KIAA1328: variants seen among roughly 807,000 people sequenced by gnomAD.
KIAA1328 encodes the protein protein hinderin.
In KIAA1328, 52 loss-of-function variants were observed where a neutral mutation model predicts 68.1. The ratio of observed to expected loss-of-function variants is 0.76; its 90% CI spans 0.61 to 0.96. The LOEUF (loss-of-function observed/expected upper bound fraction) is 0.96. Ranked by LOEUF, KIAA1328 falls within the 40% of genes least tolerant of loss-of-function variation. The probability of loss-of-function intolerance (pLI) is 0.00; values close to 1 mark genes in which losing one functional copy is unlikely to be tolerated. For synonymous variants in KIAA1328, 232 were observed against 239.4 expected (o/e 0.97, Z 0.28); for missense variants, 641 against 677.6 (o/e 0.95, Z 0.60).
chr18:37,113,105 A>T (rs2057986085), intron 7 of KIAA1328, among the ~76,000 whole-genome samples: 2 of 152,216 alleles, frequency 1.3e-5, no homozygotes, highest in Admixed American at 1.3e-4. Flanking sequence ...AACCAGGAGA[A>T]CTTCCCCAAC....
At chr18:36,950,971 G>A (rs2051136163) in intron 5 of KIAA1328, among the ~76,000 whole-genome samples, 1 of 152,232 alleles carries the variant, frequency 6.6e-6, no homozygotes, top group African/African-American at 2.4e-5. Context: ...TGTTTTGCAA[G>A]GGTCACCAAT....
At chr18:37,189,061 A>C (rs1283094901) in intron 9 of KIAA1328, among the ~76,000 whole-genome samples, 1 of 152,184 alleles carries the variant, frequency 6.6e-6, no homozygotes, top group Non-Finnish European at 1.5e-5. Context: ...AGGAAAAAAA[A>C]CGAATTCTTT....
intron 6 of KIAA1328, among the ~76,000 whole-genome samples, chr18:36,987,555 A>C (rs2052991012): frequency 6.6e-6 from 1 of 151,882 alleles, no homozygotes; most frequent in African/African-American, 2.4e-5. Flanking sequence ...TATACTGTAT[A>C]ATTCTATTAA....
Position 37,223,793 on chromosome 18 carries a change from G to A in KIAA1328, c.*1566G>A, listed in dbSNP as rs930796455. On this transcript the variant is annotated 3_prime_UTR_variant, in exon 10 of 10. Transcript: ENST00000280020. ...CATGTCTCTTCAGGCTGAGACTGGC[G>A]CTGTCACCTCCACCCAGCCTTCTTT... is the stretch of plus-strand genomic sequence containing the variant. 16 of 985,292 alleles carry A rather than the reference G, an allele frequency of 1.6e-5. No homozygotes were observed. Among genetic ancestry groups the A allele is most frequent in the Non-Finnish European group, 1.8e-5 (15 of 829,882 alleles). 61.0% of individuals were successfully genotyped at this position (985,292 alleles called of 1,614,324 possible). A position where few individuals can be genotyped will look rare whatever the true frequency, so the allele number is the denominator to read the frequency against.
chr18:36,973,824 CACACAT>C (rs952216381), intron 6 of KIAA1328, among the ~76,000 whole-genome samples: 2 of 115,250 alleles, frequency 1.7e-5, no homozygotes, highest in Non-Finnish European at 1.8e-5. Context: ...CACACACACA[CACACAT>C]ACACACACAC....
chr18:37,160,771 G>A (rs1219381339), intron 8 of KIAA1328, among the ~76,000 whole-genome samples: 1 of 152,152 alleles, frequency 6.6e-6, no homozygotes, highest in Non-Finnish European at 1.5e-5. Context: ...ACATGGGGAG[G>A]GTGGAGGAGA....
intron 6 of KIAA1328, among the ~76,000 whole-genome samples, chr18:36,994,225 T>G (rs1446813025): frequency 6.6e-6 from 1 of 152,206 alleles, no homozygotes; most frequent in Admixed American, 6.5e-5. Flanking sequence ...TCTCATATTG[T>G]TACTCCTCTG....
At chr18:36,852,115 A>C (rs892719087) in intron 4 of KIAA1328, among the ~76,000 whole-genome samples, 2 of 152,088 alleles carry the variant, frequency 1.3e-5, no homozygotes, top group Non-Finnish European at 2.9e-5. Flanking sequence ...CTTGATTTAG[A>C]ATTTTATTCT....
chr18:36,866,752 G>A (rs1016777565), intron 4 of KIAA1328, among the ~76,000 whole-genome samples: 1 of 152,074 alleles, frequency 6.6e-6, no homozygotes, highest in Non-Finnish European at 1.5e-5. Context: ...AAGTTGTTTT[G>A]ATTTACATCT....
intron 5 of KIAA1328, among the ~76,000 whole-genome samples, chr18:36,945,923 A>C (rs905374288): frequency 6.6e-6 from 1 of 152,194 alleles, no homozygotes; most frequent in Non-Finnish European, 1.5e-5. Context: ...TGAGGCCAGA[A>C]GTGTTTCAGA....
chr18:36,979,048 A>G (rs2052581100), intron 6 of KIAA1328, among the ~76,000 whole-genome samples: 2 of 152,106 alleles, frequency 1.3e-5, no homozygotes, highest in Non-Finnish European at 2.9e-5. Flanking sequence ...ATTCCCAGCT[A>G]CTCGGGAGGC....
chr18:36,973,511 C>G (rs955456861), intron 6 of KIAA1328, among the ~76,000 whole-genome samples: 2 of 151,898 alleles, frequency 1.3e-5, no homozygotes, highest in African/African-American at 4.8e-5. Flanking sequence ...TGTTTTATGG[C>G]CATTTATTTA....
rs1156341039 is a variant in KIAA1328, at chr18:37,078,664, G to A, written c.1232+11119G>A. Among the ~76,000 whole-genome samples, 389 of 148,654 alleles carry A rather than the reference G, an allele frequency of 2.6e-3. 3 individuals carry two copies. The highest frequency in any genetic ancestry group is 9.4e-3 in the African/African-American group (377 of 39,904). On this transcript the variant is annotated intron_variant, in intron 7 of 9. Transcript: ENST00000280020. The stretch of plus-strand genomic sequence containing the variant: ...AACAAACAACCCCATCAAAAAGTGG[G>A]CAAAGGACATGAACAGACACTTCTC...
At chr18:37,140,664 G>C (rs1213443432) in intron 7 of KIAA1328, among the ~76,000 whole-genome samples, 1 of 152,156 alleles carries the variant, frequency 6.6e-6, no homozygotes, top group Non-Finnish European at 1.5e-5. Flanking sequence ...GTGACTTACA[G>C]TGTAGCAAGC....
At chr18:37,027,533 C>G (rs1454989276) in intron 6 of KIAA1328, among the ~76,000 whole-genome samples, 8 of 152,194 alleles carry the variant, frequency 5.3e-5, no homozygotes, top group South Asian at 2.1e-4. Flanking sequence ...TAGACCAATG[C>G]AACAGAACAG....
chr18:37,109,208 T>C (rs892825021), intron 7 of KIAA1328, among the ~76,000 whole-genome samples: 1 of 152,206 alleles, frequency 6.6e-6, no homozygotes, highest in Non-Finnish European at 1.5e-5. Flanking sequence ...TTCCAAGTCT[T>C]TGCTATTGTG....
At chr18:37,201,971 C>T (rs1019346140) in intron 9 of KIAA1328, among the ~76,000 whole-genome samples, 2 of 152,154 alleles carry the variant, frequency 1.3e-5, no homozygotes, top group African/African-American at 4.8e-5. Flanking sequence ...ATATGATATT[C>T]GTCAACGCCT....
rs115512271 is a variant in KIAA1328 at position 37,117,148 on chromosome 18, A to T, written c.1233-43052A>T. ...ACTAGAAATACCATTTGACCCGGCC[A>T]TCCCAAGGGATTATAAATCATGCTG... On this transcript the variant is annotated intron_variant, in intron 7 of 9. Coordinates refer to ENST00000280020, the MANE Select transcript of KIAA1328 (RefSeq NM_020776.3). 6.9e-3 allele frequency among the ~76,000 whole-genome samples: 1,053 copies of T among 151,874 alleles called. 15 individuals are homozygous for T. The highest frequency in any genetic ancestry group is 0.024 in the African/African-American group (1,006 of 41,502).
intron 9 of KIAA1328, among the ~76,000 whole-genome samples, chr18:37,213,802 C>A (rs1289981846): frequency 6.6e-6 from 1 of 152,176 alleles, no homozygotes; most frequent in Non-Finnish European, 1.5e-5. Flanking sequence ...ACATCCTTTC[C>A]AGCACCTGTT....
Sources: allele counts gnomAD v4.1 joint callset (sites outside exome capture counted in the v4.1 genomes callset), GRCh38; gene constraint gnomAD v4.1.1; transcripts MANE v1.5; gene names NCBI Gene and HGNC (gene_info 2026-07-23, HGNC 2026-07-21).